Variants in AMZ1 observed in about 807,000 individuals in gnomAD.
AMZ1 encodes the protein archaemetzincin-1.
AMZ1 carries 39 observed loss-of-function variants against 29.9 expected under a neutral mutation model. That is an observed-to-expected ratio of 1.30 (90% CI 1.01 to 1.70). The LOEUF is 1.70. Ranked by LOEUF, AMZ1 falls within the 40% of genes most tolerant of loss-of-function variation. The pLI is 0.00. For missense variants in AMZ1, 1,041 were observed against 680.6 expected (o/e 1.53, Z -5.89); for synonymous variants, 458 against 304.0 (o/e 1.51, Z -5.27).
chr7:2,686,202 C>T (rs903868263), upstream of AMZ1, among the ~76,000 whole-genome samples: 12 of 152,224 alleles, frequency 7.9e-5, no homozygotes, highest in East Asian at 5.8e-4. Flanking sequence ...AGTCACGGGC[C>T]GCCTGCAGAA....
intron 4 of AMZ1, among the ~76,000 whole-genome samples, chr7:2,744,096 G>C (rs1437906700): frequency 6.6e-6 from 1 of 152,226 alleles, no homozygotes; most frequent in African/African-American, 2.4e-5. Context: ...TCTGGGGGCA[G>C]GGCACAGACA....
At chr7:2,761,336 G>A (rs771391915), upstream of AMZ1, among the ~76,000 whole-genome samples, 14 of 152,218 alleles carry the variant, frequency 9.2e-5, no homozygotes, top group Non-Finnish European at 1.9e-4. Flanking sequence ...GCTATGCCTA[G>A]AGGCACGGGG....
At chr7:2,728,116 G>A (rs1410729963) in intron 4 of AMZ1, 2 of 151,950 alleles carry the variant, frequency 1.3e-5, no homozygotes, top group South Asian at 2.1e-4. Flanking sequence ...TTTATATTAA[G>A]CAAAGAAAGA....
intron 4 of AMZ1, among the ~76,000 whole-genome samples, chr7:2,748,977 G>C (rs1258502497): frequency 6.6e-6 from 1 of 152,214 alleles, no homozygotes; most frequent in Non-Finnish European, 1.5e-5. Flanking sequence ...TTTCACACCA[G>C]TTAGAATGGT....
At chr7:2,732,279 C>A (rs377678627) in intron 4 of AMZ1, among the ~76,000 whole-genome samples, 2 of 152,172 alleles carry the variant, frequency 1.3e-5, no homozygotes. Context: ...AGGCCAGGCA[C>A]GGTGGCTCAC....
chr7:2,692,939 C>T (rs1311145821), intron 1 of AMZ1, among the ~76,000 whole-genome samples: 4 of 152,178 alleles, frequency 2.6e-5, no homozygotes, highest in African/African-American at 9.7e-5. Flanking sequence ...CTGCTGCGGG[C>T]CTGTGTACAC....
intron 4 of AMZ1, among the ~76,000 whole-genome samples, chr7:2,743,390 G>A (rs547199476): frequency 6.6e-6 from 1 of 152,276 alleles, no homozygotes; most frequent in South Asian, 2.1e-4. Context: ...AAATATGGAA[G>A]ATATTCATCA....
intron 4 of AMZ1, among the ~76,000 whole-genome samples, chr7:2,744,269 C>G (rs558809902): frequency 1.3e-5 from 2 of 152,220 alleles, no homozygotes; most frequent in Non-Finnish European, 2.9e-5. Flanking sequence ...AGGCACCCCC[C>G]AGTAGGGGCG....
In AMZ1 at chr7:2,712,463, G is replaced by A. The variant is rs751331088; in HGVS notation, c.1082G>A (p.Gly361Asp). The change falls in exon 7 of 7, where the codon GGC becomes GAC. Residue 361 changes from glycine to aspartate, a missense_variant. Gly to Asp is a moderately conservative substitution (Grantham distance 94). Transcript: ENST00000683327. ...TGCTGTGAGAGTGACTCGGAGCCCG[G>A]CACCAGTGTGTCGGAGCCCCTCACC... ...GMCCESDSEP[G>D]TSVSEPLTPD... 10 of 1,610,786 alleles carry A rather than the reference G, an allele frequency of 6.2e-6. No individual in the cohort carries two copies. In the African/African-American group the frequency reaches 8.0e-5, roughly 13 times the overall value.
chr7:2,721,729 A>AGAT (rs1489412894), downstream of AMZ1, among the ~76,000 whole-genome samples: 4 of 151,820 alleles, frequency 2.6e-5, no homozygotes, highest in East Asian at 3.9e-4. Flanking sequence ...AAAAAAAAAA[A>AGAT]AGATAGCGGC....
intron 4 of AMZ1, among the ~76,000 whole-genome samples, chr7:2,757,498 A>T (rs973004362): frequency 2.6e-5 from 4 of 152,154 alleles, no homozygotes; most frequent in African/African-American, 9.7e-5. Context: ...CAAGGAAATG[A>T]ACTCTGCCAG....
chr7:2,762,739 C>T, upstream of AMZ1: 1 of 1,555,250 alleles, frequency 6.4e-7, no homozygotes, highest in Non-Finnish European at 8.7e-7. Context: ...GTCCTCCCTC[C>T]CGCAGGAAGT....
chr7:2,708,011 T>A (rs1006458955), intron 3 of AMZ1, among the ~76,000 whole-genome samples: 8 of 151,604 alleles, frequency 5.3e-5, no homozygotes, highest in South Asian at 2.1e-4. Flanking sequence ...TTAGTAGAGA[T>A]GGGGTTTTGT....
At position 2,708,704 on chromosome 7, in the gene AMZ1, C is replaced by A; in HGVS notation, c.589C>A (p.Leu197Ile). 6.2e-7 allele frequency: 1 copy of A among 1,612,854 alleles called. No individual in the cohort carries two copies. The highest frequency in any genetic ancestry group is 2.2e-5 in the East Asian group (1 of 44,888). ...EAWSFTFSKF[L>I]PGHEVGVCSF... ...CTGGAGCTTCACCTTCAGCAAGTTC[C>A]TTCCAGGGCACGGTGAGCCGGGGCC... The change falls in exon 4 of 7, where the codon CTT becomes ATT. Residue 197 changes from leucine (L) to isoleucine (I), a missense_variant. Leu to Ile is a conservative substitution (Grantham distance 5). Transcript: ENST00000683327.
upstream of AMZ1, among the ~76,000 whole-genome samples, chr7:2,687,561 C>A (rs115161436): frequency 9.5e-3 from 1,454 of 152,364 alleles, 33 homozygotes; most frequent in African/African-American, 0.033. Flanking sequence ...CGGCATCCTT[C>A]CGCACTTAGA....
chr7:2,754,785 T>C (rs1293524577), intron 4 of AMZ1, among the ~76,000 whole-genome samples: 2 of 152,094 alleles, frequency 1.3e-5, no homozygotes, highest in Non-Finnish European at 2.9e-5. Context: ...ATTTCAAATT[T>C]TGATGAAACA....
chr7:2,694,797 C>T (rs972705152), intron 1 of AMZ1, among the ~76,000 whole-genome samples: 6 of 151,998 alleles, frequency 3.9e-5, no homozygotes, highest in Non-Finnish European at 8.8e-5. Context: ...CTCAGCCTCC[C>T]GAGTAGCTGG....
chr7:2,708,547 C>CTGGAAG, intron 3 of AMZ1, 41 bp from the exon 4 acceptor site: 1 of 1,607,374 alleles, frequency 6.2e-7, no homozygotes, highest in Non-Finnish European at 8.5e-7. Flanking sequence ...TGGGGGTCCC[C>CTGGAAG]GGCTGCCTCC....
At chr7:2,740,639 T>C (rs998991821) in intron 4 of AMZ1, among the ~76,000 whole-genome samples, 1 of 152,188 alleles carries the variant, frequency 6.6e-6, no homozygotes, top group Non-Finnish European at 1.5e-5. Context: ...GATGGTGAAA[T>C]GTAAACAACA....
Sources: gnomAD v4.1 joint callset for allele counts (sites outside exome capture counted in the v4.1 genomes callset) on GRCh38, gnomAD v4.1.1 for gene constraint, MANE v1.5 for transcripts, NCBI Gene and HGNC (gene_info 2026-07-23, HGNC 2026-07-21) for gene names.